The following COL4A3 variants were observed in gnomAD, a reference collection of about 807,000 sequenced individuals.
COL4A3 encodes the protein collagen type IV alpha 3 chain, also known as collagen alpha-3(IV) chain.
COL4A3 carries 135 observed loss-of-function variants against 217.4 expected under a neutral mutation model. That is an observed-to-expected ratio of 0.62 (90% CI 0.54 to 0.72). The LOEUF is 0.72. Ranked by LOEUF, COL4A3 falls within the 30% of genes least tolerant of loss-of-function variation. The pLI is 0.00. For missense variants in COL4A3, 1,868 were observed against 2,119.9 expected, an observed-to-expected ratio of 0.88 and a Z score of 2.33; for synonymous variants, 690 against 736.3, an observed-to-expected ratio of 0.94 and a Z score of 1.02.
chr2:227,172,641 C>T (rs1185376120), intron 1 of COL4A3, among the ~76,000 whole-genome samples: 1 of 128,612 alleles, frequency 7.8e-6, no homozygotes, highest in African/African-American at 3.0e-5. Context: ...GGCTAAAGTG[C>T]AGTGGCACTA....
At position 227,250,816 on chromosome 2, in the gene COL4A3, A is replaced by G. The variant is rs1300763645; in HGVS notation, c.547-324A>G. Among the ~76,000 whole-genome samples the G allele has an allele frequency of 1.3e-5, 2 of 152,142 alleles. No individual in the cohort carries two copies. The highest frequency in any genetic ancestry group is 4.8e-5 in the African/African-American group (2 of 41,442). ...GAGAGCAGGTGGCAGGCCCTAACGT[A>G]GGAGCATGCTTGGCCAAAATGAGAG... is the stretch of plus-strand genomic sequence containing the variant. On this transcript the variant is annotated intron_variant, in intron 9 of 51. Coordinates refer to ENST00000396578, the MANE Select transcript of COL4A3 (RefSeq NM_000091.5). This position sits in a 1 kb window ranked among gnomAD's most constrained non-coding sequence, Gnocchi z 4.1.
chr2:227,245,345 A>G (rs927367479), intron 5 of COL4A3, among the ~76,000 whole-genome samples: 1 of 152,138 alleles, frequency 6.6e-6, no homozygotes, highest in African/African-American at 2.4e-5. Flanking sequence ...CCTAAAAACC[A>G]TTACACTATA....
rs1553738868 is a variant in COL4A3 at position 227,203,103 on chromosome 2, A to ATATATGTGTATATATGTGTATATATGTG, written c.88-34840_88-34839insGTGTATATGTGTATATATGTGTATATAT. Among the ~76,000 whole-genome samples the ATATATGTGTATATATGTGTATATATGTG allele has an allele frequency of 4.7e-4, 17 of 35,952 alleles. 6 individuals are homozygous for ATATATGTGTATATATGTGTATATATGTG. Among genetic ancestry groups the ATATATGTGTATATATGTGTATATATGTG allele is most frequent in the Non-Finnish European group, 8.6e-4 (17 of 19,788 alleles). The allele number at this position is 35,952 out of a possible 152,430, so 23.6% of individuals were successfully genotyped here. A position where few individuals can be genotyped will look rare whatever the true frequency, so the allele number is the denominator to read the frequency against. ...TATGTGTATATATGTGTATATATAC[A>ATATATGTGTATATATGTGTATATATGTG]TATATGTGTATATATGTGTATATAT... is the stretch of plus-strand genomic sequence containing the variant. On this transcript the variant is annotated intron_variant, in intron 1 of 51. Coordinates refer to ENST00000396578, the MANE Select transcript of COL4A3 (RefSeq NM_000091.5).
chr2:227,279,702 T>A lies in COL4A3; in HGVS notation c.2126-91T>A, dbSNP rs966241245. The A allele has an allele frequency of 1.6e-5, 14 of 871,544 alleles. No individual in the cohort carries two copies. The African/African-American group carries it at 2.1e-4, about 13-fold the overall frequency. 54.0% of individuals were successfully genotyped at this position (871,544 alleles called of 1,614,324 possible). On this transcript the variant is annotated intron_variant, in intron 28 of 51. Transcript: ENST00000396578. ...TATCATTTAAATTTTCATAAAAGCA[T>A]CTCTAGCTGGTTGAGAGATAAGAGA...
intron 27 of COL4A3, 87 bp from the exon 28 acceptor site, chr2:227,277,362 C>T (rs573086738): frequency 2.7e-5 from 23 of 844,662 alleles, no homozygotes; most frequent in Admixed American, 6.2e-5. Context: ...AGGGATAGGA[C>T]GACACAGAGA....
chr2:227,227,700 C>T (rs2125846582), intron 1 of COL4A3: 1 of 152,218 alleles, frequency 6.6e-6, no homozygotes, highest in Non-Finnish European at 1.5e-5. Context: ...CAGTACCTCC[C>T]TTACAGAATT....
chr2:227,176,505 C>T (rs989366821), intron 1 of COL4A3, among the ~76,000 whole-genome samples: 1 of 152,128 alleles, frequency 6.6e-6, no homozygotes, highest in Non-Finnish European at 1.5e-5. Context: ...TTTTAATTTT[C>T]TAGCGGTAGT....
chr2:227,281,154 G>A (rs2071938318), intron 31 of COL4A3, 148 bp downstream of exon 31: 1 of 713,906 alleles, frequency 1.4e-6, no homozygotes. Context: ...AAACCTTGCT[G>A]TTATGGGTTT....
At chr2:227,232,830 A>T (rs1268763900) in intron 1 of COL4A3, among the ~76,000 whole-genome samples, 1 of 152,224 alleles carries the variant, frequency 6.6e-6, no homozygotes, top group African/African-American at 2.4e-5. Flanking sequence ...ATGCATAAAA[A>T]GACATTTGTT....
intron 34 of COL4A3, among the ~76,000 whole-genome samples, chr2:227,286,046 G>A (rs1306975184): frequency 1.3e-5 from 2 of 152,210 alleles, no homozygotes; most frequent in Non-Finnish European, 2.9e-5. Flanking sequence ...AGGAGGCTGC[G>A]TGGCAGACTT....
chr2:227,165,024 G>A (rs2065179047), intron 1 of COL4A3, among the ~76,000 whole-genome samples: 1 of 152,198 alleles, frequency 6.6e-6, no homozygotes, highest in Non-Finnish European at 1.5e-5. Flanking sequence ...CGCGGGGCTG[G>A]GGGAAGAGGC....
intron 38 of COL4A3, 72 bp from the exon 39 acceptor site, chr2:227,294,418 C>T (rs527569417): frequency 5.0e-6 from 5 of 998,316 alleles, no homozygotes; most frequent in South Asian, 2.5e-5. Context: ...AAAAACAGAC[C>T]GTTTCAGTCA....
chr2:227,309,416 C>T, intron 50 of COL4A3, 98 bp downstream of exon 50: 1 of 893,102 alleles, frequency 1.1e-6, no homozygotes, highest in Middle Eastern at 2.5e-4. Flanking sequence ...ATGCTGCCTG[C>T]TGTCCGTGTG....
At chr2:227,310,974 C>T (rs924121648) in intron 51 of COL4A3, 26 bp downstream of exon 51, 1 of 1,611,434 alleles carries the variant, frequency 6.2e-7, no homozygotes, top group Admixed American at 1.7e-5. Context: ...CAAGCTTAAT[C>T]TGATGACTCA....
intron 1 of COL4A3, among the ~76,000 whole-genome samples, chr2:227,212,773 T>C (rs554391503): frequency 7.2e-5 from 11 of 152,320 alleles, no homozygotes; most frequent in African/African-American, 2.6e-4. Flanking sequence ...CTCTTGGACA[T>C]CCCCAGTGCA....
intron 11 of COL4A3, among the ~76,000 whole-genome samples, chr2:227,252,510 C>T (rs1371079821): frequency 6.6e-6 from 1 of 151,878 alleles, no homozygotes; most frequent in African/African-American, 2.4e-5. Context: ...GCCACTATGC[C>T]CGGCTTGGGT....
chr2:227,307,592 T>A, intron 47 of COL4A3, 118 bp from the exon 48 acceptor site: 2 of 871,582 alleles, frequency 2.3e-6, no homozygotes, highest in Non-Finnish European at 3.7e-6. Context: ...CACTCTTCTC[T>A]AGGATTGCTT....
intron 15 of COL4A3, 24 bp downstream of exon 15, chr2:227,254,739 T>C (rs373369843): frequency 2.9e-5 from 46 of 1,579,146 alleles, no homozygotes; most frequent in Non-Finnish European, 2.6e-5. Context: ...TTCGGTGTCA[T>C]GTGCAGTTTT....
intron 1 of COL4A3, among the ~76,000 whole-genome samples, chr2:227,234,589 T>A (rs2068587955): frequency 6.6e-6 from 1 of 152,164 alleles, no homozygotes; most frequent in South Asian, 2.1e-4. Context: ...TTACGACATC[T>A]TATATGCCAA....
Sources: gnomAD v4.1 joint callset for allele counts (sites outside exome capture counted in the v4.1 genomes callset) on GRCh38, gnomAD v4.1.1 for gene constraint, Gnocchi (gnomAD v3.1) non-coding constraint, MANE v1.5 for transcripts, NCBI Gene and HGNC (gene_info 2026-07-23, HGNC 2026-07-21) for gene names.